Variants in MDGA2 observed in about 807,000 individuals in gnomAD.
MDGA2 encodes the protein MAM domain containing glycosylphosphatidylinositol anchor 2, also known as MAM domain-containing glycosylphosphatidylinositol anchor protein 2.
MDGA2 carries 40 observed loss-of-function variants against 117.8 expected under a neutral mutation model. The observed-to-expected ratio is 0.34, with a 90% CI of 0.26 to 0.44. The LOEUF is 0.44. Among genes scored for constraint, MDGA2 ranks in the 20% least tolerant of loss-of-function variants. The probability of loss-of-function intolerance (pLI) is 1.00; values close to 1 mark genes in which losing one functional copy is unlikely to be tolerated. For missense variants in MDGA2, 1,123 were observed against 1,250.6 expected (o/e 0.90, Z 1.54); for synonymous variants, 452 against 439.0 (o/e 1.03, Z -0.37).
At chr14:47,237,266 T>G (rs999625789) in intron 2 of MDGA2, among the ~76,000 whole-genome samples, 5 of 152,150 alleles carry the variant, frequency 3.3e-5, no homozygotes, top group African/African-American at 1.2e-4. Flanking sequence ...TAAAATCACA[T>G]TAAGCAAATT....
intron 1 of MDGA2, among the ~76,000 whole-genome samples, chr14:47,450,708 A>G (rs971651232): frequency 6.6e-6 from 1 of 152,040 alleles, no homozygotes; most frequent in East Asian, 1.9e-4. Flanking sequence ...CGGGGAAAAA[A>G]GTTGTATTAG....
intron 1 of MDGA2, among the ~76,000 whole-genome samples, chr14:47,351,714 C>T (rs1304428516): frequency 1.3e-5 from 2 of 152,184 alleles, no homozygotes; most frequent in Non-Finnish European, 2.9e-5. Flanking sequence ...AGCCAATCAT[C>T]CTTTTAATTA....
intron 7 of MDGA2, among the ~76,000 whole-genome samples, chr14:47,043,246 A>G (rs1889140866): frequency 6.6e-6 from 1 of 152,120 alleles, no homozygotes; most frequent in African/African-American, 2.4e-5. Context: ...TTTAGAGATC[A>G]TGATAGGCAA....
At chr14:47,459,804 T>C (rs1339008508) in intron 1 of MDGA2, among the ~76,000 whole-genome samples, 1 of 152,164 alleles carries the variant, frequency 6.6e-6, no homozygotes, top group Non-Finnish European at 1.5e-5. Context: ...TACTGATTTA[T>C]GTGTTATGGT....
chr14:47,434,553 T>C (rs1403282169), intron 1 of MDGA2, among the ~76,000 whole-genome samples: 1 of 152,158 alleles, frequency 6.6e-6, no homozygotes, highest in Non-Finnish European at 1.5e-5. Flanking sequence ...TCAGTGTGTA[T>C]GTAAAACCAG....
intron 1 of MDGA2, among the ~76,000 whole-genome samples, chr14:47,658,126 A>C (rs1427374706): frequency 6.6e-6 from 1 of 152,090 alleles, no homozygotes; most frequent in Non-Finnish European, 1.5e-5. Context: ...TCACCTGTTT[A>C]TTTGGGCTCC....
At chr14:47,121,243 T>A (rs1566636629) in intron 5 of MDGA2, among the ~76,000 whole-genome samples, 2 of 152,148 alleles carry the variant, frequency 1.3e-5, no homozygotes, top group Non-Finnish European at 2.9e-5. Flanking sequence ...TGGCACTGAT[T>A]AGTTTGCTTG....
At chr14:47,240,343 T>C (rs1311865350) in intron 2 of MDGA2, among the ~76,000 whole-genome samples, 1 of 151,784 alleles carries the variant, frequency 6.6e-6, no homozygotes, top group Admixed American at 6.6e-5. Context: ...CACGCCCAGC[T>C]AGAAACATTT....
At chr14:47,594,654 T>TA (rs1896502337) in intron 1 of MDGA2, among the ~76,000 whole-genome samples, 1 of 152,306 alleles carries the variant, frequency 6.6e-6, no homozygotes, top group African/African-American at 2.4e-5. Flanking sequence ...GCTAGTTACT[T>TA]AAAGACTCTT....
intron 3 of MDGA2, chr14:47,201,014 T>G (rs1885485555): frequency 1.0e-6 from 1 of 964,476 alleles, no homozygotes; most frequent in East Asian, 2.4e-5. Flanking sequence ...ACCACTTTCC[T>G]GCCCAGCAGT....
chr14:47,292,869 A>G (rs928334905), intron 2 of MDGA2, among the ~76,000 whole-genome samples: 1 of 152,216 alleles, frequency 6.6e-6, no homozygotes, highest in Non-Finnish European at 1.5e-5. Context: ...TAAAAACACT[A>G]TGATATATTA....
intron 3 of MDGA2, among the ~76,000 whole-genome samples, chr14:47,164,786 A>G (rs1356172800): frequency 1.3e-5 from 2 of 152,228 alleles, no homozygotes; most frequent in Admixed American, 1.3e-4. Flanking sequence ...ATGCTGCTAT[A>G]GAGACACATG....
At chr14:46,874,225 A>T in intron 12 of MDGA2, 25 bp from the exon 13 acceptor site, 1 of 1,191,396 alleles carries the variant, frequency 8.4e-7, no homozygotes, top group Non-Finnish European at 1.1e-6. Context: ...TAATTAAATT[A>T]ATATTAATTA....
intron 1 of MDGA2, among the ~76,000 whole-genome samples, chr14:47,649,790 A>G (rs1181184555): frequency 2.0e-5 from 3 of 152,178 alleles, no homozygotes; most frequent in African/African-American, 4.8e-5. Flanking sequence ...TATAGGAGAC[A>G]TAACAGTGGA....
intron 2 of MDGA2, among the ~76,000 whole-genome samples, chr14:47,241,229 T>C (rs1408283126): frequency 6.6e-6 from 1 of 151,806 alleles, no homozygotes; most frequent in Admixed American, 6.6e-5. Context: ...GGAAGGGAAA[T>C]ACCTTAAGTA....
intron 1 of MDGA2, among the ~76,000 whole-genome samples, chr14:47,335,224 T>C (rs1250343308): frequency 1.2e-5 from 1 of 83,754 alleles, no homozygotes; most frequent in African/African-American, 4.9e-5. Flanking sequence ...ACAACTTAAA[T>C]AAAATGTAAG....
intron 9 of MDGA2, among the ~76,000 whole-genome samples, chr14:46,947,165 T>G (rs533881363): frequency 1.9e-4 from 29 of 152,202 alleles, no homozygotes; most frequent in African/African-American, 5.8e-4. Flanking sequence ...AATATTTTCA[T>G]TGTGTCCTCG....
At chr14:47,545,051 T>C (rs1955805) in intron 1 of MDGA2, among the ~76,000 whole-genome samples, 48,990 of 152,106 alleles carry the variant, frequency 0.32, 8,663 homozygotes, top group East Asian at 0.59. Flanking sequence ...ATTTTCATTA[T>C]TCAACTATGC....
chr14:47,095,664 G>A (rs1019998819), intron 6 of MDGA2, among the ~76,000 whole-genome samples: 3 of 151,654 alleles, frequency 2.0e-5, no homozygotes, highest in African/African-American at 7.3e-5. Context: ...AATATTGTAT[G>A]GTATACAATT....
Sources: gnomAD v4.1 joint callset for allele counts (sites outside exome capture counted in the v4.1 genomes callset) on GRCh38, gnomAD v4.1.1 for gene constraint, MANE v1.5 for transcripts, NCBI Gene and HGNC (gene_info 2026-07-23, HGNC 2026-07-21) for gene names.